The following CRIM1 variants were observed in gnomAD, a reference collection of about 807,000 sequenced individuals.
CRIM1 encodes cysteine-rich motor neuron 1 protein.
In CRIM1, 32 loss-of-function variants were observed where a neutral mutation model predicts 116.4. The observed-to-expected ratio is 0.27, with a 90% CI of 0.21 to 0.37. The LOEUF is 0.37. Among genes scored for constraint, CRIM1 ranks in the 10% least tolerant of loss-of-function variants. The pLI is 1.00. For synonymous variants in CRIM1, 590 were observed against 509.2 expected, an observed-to-expected ratio of 1.16 and a Z score of -2.13; for missense variants, 1,331 against 1,354.8, an observed-to-expected ratio of 0.98 and a Z score of 0.28.
intron 1 of CRIM1, among the ~76,000 whole-genome samples, chr2:36,391,274 G>A (rs919556432): frequency 1.1e-4 from 16 of 151,332 alleles, no homozygotes; most frequent in African/African-American, 3.6e-4. Context: ...GACTACAGGC[G>A]CCCGCCACCA....
intron 8 of CRIM1, 46 bp downstream of exon 8, chr2:36,499,393 T>TA (rs1558373226): frequency 3.2e-6 from 5 of 1,564,770 alleles, no homozygotes; most frequent in Non-Finnish European, 4.4e-6. Context: ...CCTAATATGA[T>TA]ATTGTCAAAG....
chr2:36,397,704 G>A (rs867353219), intron 2 of CRIM1, among the ~76,000 whole-genome samples: 1 of 152,300 alleles, frequency 6.6e-6, no homozygotes, highest in Middle Eastern at 3.4e-3. Context: ...TTTTGGAAAT[G>A]TACTTAGTTT....
Position 36,356,430 on chromosome 2 carries a change from G to A in CRIM1, c.138G>A (p.Glu46=), listed in dbSNP as rs1251513050. The A allele has an allele frequency of 6.2e-7, 1 of 1,611,402 alleles. No homozygotes were observed. The highest frequency in any genetic ancestry group is 8.5e-7 in the Non-Finnish European group (1 of 1,179,626). The change falls in exon 1 of 17, where the codon GAG becomes GAA. Residue 46 remains glutamate, a synonymous_variant. Transcript: ENST00000280527. This position sits in a 1 kb window ranked among gnomAD's most constrained non-coding sequence, Gnocchi z 4.3. Reference sequence around the variant, plus strand: ...TGCCCTGTGACGAGTCCAAGTGCGAGGAGCCCAGGAACTGCCCGGGGAGCA... The same window carrying A: ...TGCCCTGTGACGAGTCCAAGTGCGAAGAGCCCAGGAACTGCCCGGGGAGCA... ...VCLPCDESKC[E]EPRNCPGSIV...
At chr2:36,461,063 G>C (rs1414646616) in intron 4 of CRIM1, among the ~76,000 whole-genome samples, 1 of 152,236 alleles carries the variant, frequency 6.6e-6, no homozygotes, top group East Asian at 1.9e-4. Context: ...ATGGACTTCA[G>C]AGTGTTGAAT....
At chr2:36,388,208 T>C (rs1483613347) in intron 1 of CRIM1, among the ~76,000 whole-genome samples, 2 of 152,222 alleles carry the variant, frequency 1.3e-5, no homozygotes, top group Non-Finnish European at 2.9e-5. Context: ...AATCCTGTTT[T>C]ATTAAACGAG....
chr2:36,471,755 ACACACC>A (rs778425375), intron 5 of CRIM1, among the ~76,000 whole-genome samples: 6,340 of 140,298 alleles, frequency 0.045, 186 homozygotes, highest in Admixed American at 0.074. Flanking sequence ...ACACACACAC[ACACACC>A]ATCTTACAAT....
chr2:36,537,620 C>G (rs1666642919), intron 14 of CRIM1, 74 bp downstream of exon 14: 1 of 1,425,732 alleles, frequency 7.0e-7, no homozygotes, highest in African/African-American at 1.4e-5. Flanking sequence ...AGAGCTCGAC[C>G]TGCCCCTTCT....
At chr2:36,529,121 A>G (rs781721418) in intron 13 of CRIM1, 5 of 471,158 alleles carry the variant, frequency 1.1e-5, no homozygotes, top group Admixed American at 2.3e-5. Context: ...GAGAGATCCA[A>G]CAGTATCTGC....
intron 1 of CRIM1, among the ~76,000 whole-genome samples, chr2:36,365,205 G>A (rs1669509660): frequency 6.6e-6 from 1 of 152,210 alleles, no homozygotes. Flanking sequence ...AGCAGAATGT[G>A]AACACTTGCT....
In CRIM1 at chr2:36,409,641, C is replaced by T. The variant is rs190680204; in HGVS notation, c.505+12854C>T. Among the ~76,000 whole-genome samples the T allele has an allele frequency of 2.3e-3, 353 of 152,156 alleles. 3 individuals are homozygous for T. The highest frequency in any genetic ancestry group is 3.1e-3 in the Admixed American group (48 of 15,276). On this transcript the variant is annotated intron_variant, in intron 2 of 16. Transcript: ENST00000280527. ...TACCCAGTCTGAATAGTGTTATGCCCGGTAGACATTCTAGAAGACATTGAT... is the reference window on the plus strand; with the variant it reads ...TACCCAGTCTGAATAGTGTTATGCCTGGTAGACATTCTAGAAGACATTGAT...
chr2:36,517,179 AT>A, intron 11 of CRIM1, 147 bp from the exon 12 acceptor site: 1 of 641,336 alleles, frequency 1.6e-6, no homozygotes, highest in African/African-American at 1.8e-5. Flanking sequence ...TGCATGGAAT[AT>A]TTTCTTCACT....
chr2:36,363,116 C>T (rs1161506412), intron 1 of CRIM1, among the ~76,000 whole-genome samples: 1 of 150,976 alleles, frequency 6.6e-6, no homozygotes, highest in East Asian at 1.9e-4. Context: ...GGGAGAATTG[C>T]TTGAACCCAG....
rs1395771987 is a variant in CRIM1 at position 36,537,407 on chromosome 2, C to T, written c.2484C>T (p.Asp828=). 3 of 1,614,210 alleles carry T rather than the reference C, an allele frequency of 1.9e-6. No homozygotes were observed. The highest frequency in any genetic ancestry group is 2.2e-5 in the East Asian group (1 of 44,874). The change falls in exon 14 of 17, where the codon GAC becomes GAT. Residue 828 remains aspartate (D), a synonymous_variant. Coordinates refer to ENST00000280527, the MANE Select transcript of CRIM1 (RefSeq NM_016441.3). The part of the protein sequence containing the change: ...VCHFSGKAYA[D]EERWDLDSCT... ...ACTTCAGTGGGAAGGCCTATGCCGA[C>T]GAGGAGCGGTGGGACCTTGACAGCT... is the stretch of plus-strand genomic sequence containing the variant.
chr2:36,436,931 A>C (rs1675359714), intron 2 of CRIM1, among the ~76,000 whole-genome samples: 1 of 152,252 alleles, frequency 6.6e-6, no homozygotes, highest in African/African-American at 2.4e-5. Context: ...GTCACACTGA[A>C]AGCAATACAT....
At chr2:36,382,308 T>C (rs1426282800) in intron 1 of CRIM1, among the ~76,000 whole-genome samples, 1 of 152,254 alleles carries the variant, frequency 6.6e-6, no homozygotes, top group Non-Finnish European at 1.5e-5. Flanking sequence ...AGGCAGAGTC[T>C]GTTTCTGAAA....
chr2:36,453,430 A>G (rs1676886518), intron 4 of CRIM1, among the ~76,000 whole-genome samples: 1 of 152,256 alleles, frequency 6.6e-6, no homozygotes, highest in Non-Finnish European at 1.5e-5. Flanking sequence ...GATAATTCCT[A>G]AGACATTAGA....
intron 1 of CRIM1, among the ~76,000 whole-genome samples, chr2:36,362,158 G>T (rs1208566563): frequency 1.3e-5 from 2 of 152,068 alleles, no homozygotes; most frequent in Non-Finnish European, 2.9e-5. Flanking sequence ...ATGTAGACTT[G>T]CAAAAAGTCT....
rs1679259297 is a variant in CRIM1, at chr2:36,479,714, A to T, written c.1372+20A>T. 2 of 1,608,994 alleles carry T rather than the reference A, an allele frequency of 1.2e-6. No individual in the cohort carries two copies. Among genetic ancestry groups the T allele is most frequent in the Non-Finnish European group, 1.7e-6 (2 of 1,175,292 alleles). On this transcript the variant is annotated intron_variant, in intron 7 of 16. Transcript: ENST00000280527. ...GCGAAGGTAAATCTTGCAGATGCTAATGAGTCCCTGGTGAATGTCTTCTGT... is the reference window on the plus strand; with the variant it reads ...GCGAAGGTAAATCTTGCAGATGCTATTGAGTCCCTGGTGAATGTCTTCTGT...
At chr2:36,520,992 G>A (rs940433459) in intron 12 of CRIM1, among the ~76,000 whole-genome samples, 2 of 152,192 alleles carry the variant, frequency 1.3e-5, no homozygotes, top group African/African-American at 4.8e-5. Context: ...TAGGGCTGTC[G>A]TGGCTGTGTC....
Sources: gnomAD v4.1 joint callset for allele counts (sites outside exome capture counted in the v4.1 genomes callset) on GRCh38, gnomAD v4.1.1 for gene constraint, Gnocchi (gnomAD v3.1) non-coding constraint, MANE v1.5 for transcripts, NCBI Gene and HGNC (gene_info 2026-07-23, HGNC 2026-07-21) for gene names.